The following SPATS2 variants were observed in gnomAD, a reference collection of about 807,000 sequenced individuals.
The protein encoded by SPATS2 is spermatogenesis associated serine rich 2, also known as spermatogenesis-associated serine-rich protein 2.
SPATS2 carries 38 observed loss-of-function variants against 63.7 expected under a neutral mutation model. The observed-to-expected ratio is 0.60, with a 90% CI of 0.46 to 0.78. The LOEUF is 0.78. SPATS2 is among the 30% of genes least tolerant of loss of function. The probability of loss-of-function intolerance (pLI) is 0.00; values close to 1 mark genes in which losing one functional copy is unlikely to be tolerated. For missense variants in SPATS2, 588 were observed against 666.2 expected, an observed-to-expected ratio of 0.88 and a Z score of 1.29; for synonymous variants, 207 against 232.9, an observed-to-expected ratio of 0.89 and a Z score of 1.01.
At chr12:49,423,436 A>G (rs1033904428) in intron 2 of SPATS2, among the ~76,000 whole-genome samples, 1 of 151,972 alleles carries the variant, frequency 6.6e-6, no homozygotes, top group East Asian at 1.9e-4. Context: ...CTGGCCTAAT[A>G]CTCTATTTTT....
At chr12:49,518,846 TAAC>T (rs1345920733) in intron 10 of SPATS2, among the ~76,000 whole-genome samples, 1 of 152,224 alleles carries the variant, frequency 6.6e-6, no homozygotes, top group Admixed American at 6.5e-5. Context: ...GAAGGAGAAA[TAAC>T]AATGATTTAT....
chr12:49,473,342 A>G (rs1487491365), intron 3 of SPATS2, among the ~76,000 whole-genome samples: 1 of 152,088 alleles, frequency 6.6e-6, no homozygotes, highest in Non-Finnish European at 1.5e-5. Context: ...CTTGAGCCCA[A>G]GAGGTGGAGG....
chr12:49,487,578 T>C (rs1473261080), intron 4 of SPATS2, among the ~76,000 whole-genome samples: 1 of 152,180 alleles, frequency 6.6e-6, no homozygotes, highest in Non-Finnish European at 1.5e-5. Flanking sequence ...TTACATAAGA[T>C]CTCAGTTCCA....
chr12:49,418,114 T>TTGTTTTG (rs1565711794), intron 2 of SPATS2, among the ~76,000 whole-genome samples: 1 of 139,284 alleles, frequency 7.2e-6, no homozygotes, highest in Non-Finnish European at 1.5e-5. Flanking sequence ...CTCAGTTTTT[T>TTGTTTTG]TTTTTTTTTT....
At chr12:49,410,604 G>A (rs980600550) in intron 2 of SPATS2, among the ~76,000 whole-genome samples, 8 of 152,114 alleles carry the variant, frequency 5.3e-5, no homozygotes, top group Non-Finnish European at 8.8e-5. Context: ...AAGTTACATA[G>A]CTAGTTACTG....
chr12:49,424,127 C>T (rs758132652), intron 2 of SPATS2, among the ~76,000 whole-genome samples: 17 of 152,112 alleles, frequency 1.1e-4, no homozygotes, highest in Admixed American at 3.9e-4. Context: ...CACTTGAACC[C>T]GAGAGGTGGA....
At chr12:49,516,167 ATATATATATATATATAT>A (rs1319280002) in intron 10 of SPATS2, among the ~76,000 whole-genome samples, 2 of 5,372 alleles carry the variant, frequency 3.7e-4, no homozygotes, top group Non-Finnish European at 5.9e-4. Flanking sequence ...AAAAAAAAAA[ATATATATATATATATAT>A]ATATATATAT....
At chr12:49,384,959 GC>G (rs895535618) in intron 2 of SPATS2, among the ~76,000 whole-genome samples, 1 of 151,950 alleles carries the variant, frequency 6.6e-6, no homozygotes, top group Non-Finnish European at 1.5e-5. Flanking sequence ...ACAGGTGTGC[GC>G]CACCATGCCC....
intron 2 of SPATS2, among the ~76,000 whole-genome samples, chr12:49,434,979 TA>T (rs1287141253): frequency 6.6e-6 from 1 of 151,822 alleles, no homozygotes; most frequent in Admixed American, 6.6e-5. Flanking sequence ...AATATAGTAT[TA>T]CATACATTTG....
At chr12:49,468,433 T>C (rs1239594476) in intron 3 of SPATS2, among the ~76,000 whole-genome samples, 1 of 152,072 alleles carries the variant, frequency 6.6e-6, no homozygotes, top group Admixed American at 6.6e-5. Context: ...GTGCTGGGAT[T>C]ACAGGCGTGA....
chr12:49,404,202 C>G (rs1247009055), intron 2 of SPATS2, among the ~76,000 whole-genome samples: 3 of 151,642 alleles, frequency 2.0e-5, no homozygotes, highest in Non-Finnish European at 4.4e-5. Flanking sequence ...CCTTTGGAAG[C>G]CTCTAGTGAA....
chr12:49,435,634 G>GTTTTT (rs1945264893), intron 2 of SPATS2, among the ~76,000 whole-genome samples: 1 of 130,554 alleles, frequency 7.7e-6, no homozygotes, highest in Admixed American at 8.3e-5. Context: ...CTACTGAATG[G>GTTTTT]TTTCTTTTTT....
At chr12:49,461,952 CAA>C (rs753409974) in intron 3 of SPATS2, among the ~76,000 whole-genome samples, 2 of 151,972 alleles carry the variant, frequency 1.3e-5, no homozygotes, top group African/African-American at 2.4e-5. Context: ...TTTAATAACC[CAA>C]GTTTGTTTTT....
chr12:49,393,465 T>C (rs1944455412), intron 2 of SPATS2, among the ~76,000 whole-genome samples: 1 of 152,190 alleles, frequency 6.6e-6, no homozygotes, highest in African/African-American at 2.4e-5. Context: ...ACTTTTTCCT[T>C]CATTGACTTT....
chr12:49,428,503 C>T (rs1945124147), intron 2 of SPATS2, among the ~76,000 whole-genome samples: 1 of 152,260 alleles, frequency 6.6e-6, no homozygotes, highest in East Asian at 1.9e-4. Flanking sequence ...GTCTAGGTGC[C>T]TCATATAAAT....
At chr12:49,479,649 T>A (rs1946173954) in intron 3 of SPATS2, among the ~76,000 whole-genome samples, 1 of 152,156 alleles carries the variant, frequency 6.6e-6, no homozygotes, top group Admixed American at 6.5e-5. Flanking sequence ...CTGCTCCCCC[T>A]GCCACCCACT....
At chr12:49,449,362 C>T (rs974003617) in intron 2 of SPATS2, among the ~76,000 whole-genome samples, 3 of 152,068 alleles carry the variant, frequency 2.0e-5, no homozygotes, top group African/African-American at 4.8e-5. Context: ...GTTACAGGCA[C>T]GTGCCACCAC....
intron 2 of SPATS2, among the ~76,000 whole-genome samples, chr12:49,410,789 T>G (rs1344018091): frequency 1.3e-5 from 2 of 152,136 alleles, no homozygotes; most frequent in African/African-American, 4.8e-5. Flanking sequence ...AAAGGAATTT[T>G]TTTTTTTTTT....
intron 2 of SPATS2, chr12:49,390,306 G>A (rs1479464744): frequency 1.2e-5 from 5 of 430,120 alleles, no homozygotes; most frequent in East Asian, 4.0e-5. Context: ...CAACAAAAAC[G>A]CATAGTTAAT....
Sources: gnomAD v4.1 joint callset for allele counts (sites outside exome capture counted in the v4.1 genomes callset) on GRCh38, gnomAD v4.1.1 for gene constraint, MANE v1.5 for transcripts, NCBI Gene and HGNC (gene_info 2026-07-23, HGNC 2026-07-21) for gene names.